PTPRG: variants seen among roughly 807,000 people sequenced by gnomAD.
PTPRG encodes the protein receptor-type tyrosine-protein phosphatase gamma.
Under a neutral mutation model 165.3 loss-of-function variants are expected in PTPRG, and 102 were observed. The observed-to-expected ratio is 0.62, with a 90% confidence interval of 0.53 to 0.73. The LOEUF (loss-of-function observed/expected upper bound fraction) is 0.73. PTPRG is among the 30% of genes least tolerant of loss of function. PTPRG has a pLI of 0.00. For missense variants in PTPRG, 1,866 were observed against 1,861.4 expected (o/e 1.00, Z -0.05); for synonymous variants, 675 against 669.5 (o/e 1.01, Z -0.13).
At chr3:61,779,479 C>T (rs1223200490) in intron 2 of PTPRG, among the ~76,000 whole-genome samples, 1 of 152,062 alleles carries the variant, frequency 6.6e-6, no homozygotes, top group Non-Finnish European at 1.5e-5. Context: ...GACTTGACCC[C>T]GGGGAGATAG....
At chr3:61,695,387 C>T (rs1468501576) in intron 1 of PTPRG, among the ~76,000 whole-genome samples, 1 of 152,148 alleles carries the variant, frequency 6.6e-6, no homozygotes, top group Admixed American at 6.5e-5. Context: ...CTTGAGGCTC[C>T]TGATGTCTTA....
chr3:62,276,879 A>G, intron 24 of PTPRG, 93 bp from the exon 25 acceptor site: 1 of 904,680 alleles, frequency 1.1e-6, no homozygotes, highest in East Asian at 2.5e-5. Context: ...AGCCAGGAGG[A>G]TATGTTATTC....
chr3:62,188,397 T>G (rs1043581621), intron 8 of PTPRG, among the ~76,000 whole-genome samples: 12 of 152,056 alleles, frequency 7.9e-5, no homozygotes, highest in African/African-American at 2.7e-4. Flanking sequence ...AACATTCCAT[T>G]CTAGTGCCAT....
At chr3:61,860,071 A>G (rs1241886094) in intron 2 of PTPRG, among the ~76,000 whole-genome samples, 2 of 152,194 alleles carry the variant, frequency 1.3e-5, no homozygotes, top group African/African-American at 2.4e-5. Flanking sequence ...CTGTTTGTAC[A>G]CCAATCCATA....
At chr3:61,851,917 T>A (rs1212474722) in intron 2 of PTPRG, among the ~76,000 whole-genome samples, 1 of 152,172 alleles carries the variant, frequency 6.6e-6, no homozygotes. Context: ...TTTTCCAGTG[T>A]CTTATGATTA....
chr3:61,689,126 A>C (rs1318626640), intron 1 of PTPRG, among the ~76,000 whole-genome samples: 1 of 152,206 alleles, frequency 6.6e-6, no homozygotes, highest in Non-Finnish European at 1.5e-5. Context: ...TAGGAATGAA[A>C]ATTGTATTTA....
intron 2 of PTPRG, among the ~76,000 whole-genome samples, chr3:61,781,633 T>TATC (rs576047505): frequency 6.6e-6 from 1 of 152,232 alleles, no homozygotes; most frequent in Non-Finnish European, 1.5e-5. Flanking sequence ...ATTTTGCTTT[T>TATC]ATCAGTATGA....
chr3:62,033,290 G>C lies in PTPRG; in HGVS notation c.519+29793G>C, dbSNP rs192241464. Among the ~76,000 whole-genome samples, 6 of 151,792 alleles carry C rather than the reference G, an allele frequency of 4.0e-5. No individual in the cohort carries two copies. The East Asian group carries it at 1.2e-3, about 29-fold the overall frequency. ...AGCTTCAGTTCAAATGTCACTTTCA[G>C]AGGAAGGCTTCTCTCTCTTCCTTGC... On this transcript the variant is annotated intron_variant, in intron 4 of 29. Coordinates refer to ENST00000474889, the MANE Select transcript of PTPRG (RefSeq NM_002841.4).
At chr3:62,185,214 G>A (rs562333092) in intron 8 of PTPRG, among the ~76,000 whole-genome samples, 1 of 152,322 alleles carries the variant, frequency 6.6e-6, no homozygotes, top group East Asian at 1.9e-4. Flanking sequence ...GTACCTTCAT[G>A]CCTGTGAGAA....
chr3:61,964,522 A>G (rs761056005), intron 2 of PTPRG, among the ~76,000 whole-genome samples: 9 of 152,058 alleles, frequency 5.9e-5, no homozygotes, highest in Non-Finnish European at 2.9e-5. Context: ...TGAGATCAAA[A>G]CTCTCCATCA....
intron 2 of PTPRG, among the ~76,000 whole-genome samples, chr3:61,851,892 A>G (rs960102500): frequency 2.4e-4 from 37 of 152,168 alleles, no homozygotes; most frequent in African/African-American, 7.2e-4. Context: ...GCCATTTTAA[A>G]TTGGAGTCAC....
chr3:61,989,679 A>T lies in PTPRG; in HGVS notation c.245A>T (p.His82Leu). 1 of 1,614,132 alleles carries T rather than the reference A, an allele frequency of 6.2e-7. No homozygotes were observed. Residue 82 changes from histidine to leucine, a missense_variant, in exon 3 of 30, where the codon CAC becomes CTC. His to Leu is a moderately conservative substitution (Grantham distance 99, BLOSUM62 -3). This residue lies in a region of PTPRG where 408 missense variants were observed against 376.2 expected (regional missense o/e 1.08). Transcript: ENST00000474889. Reference sequence around the variant, plus strand: ...TCTAGTGTCAGCTGTGGGGGCCGTCACCAGTCTCCTATTGACATTTTAGAC... The same window carrying T: ...TCTAGTGTCAGCTGTGGGGGCCGTCTCCAGTCTCCTATTGACATTTTAGAC... ...VTSSVSCGGR[H>L]QSPIDILDQY... is the part of the protein sequence containing the mutation.
chr3:62,186,787 G>A (rs1342638640), intron 8 of PTPRG, among the ~76,000 whole-genome samples: 3 of 151,848 alleles, frequency 2.0e-5, no homozygotes, highest in Non-Finnish European at 4.4e-5. Context: ...GGTTGCTCTC[G>A]AACTCCTGGC....
At chr3:61,839,548 C>CA (rs1296572632) in intron 2 of PTPRG, among the ~76,000 whole-genome samples, 2 of 152,148 alleles carry the variant, frequency 1.3e-5, no homozygotes, top group Non-Finnish European at 2.9e-5. Flanking sequence ...CTAACCTTGT[C>CA]AGAGTTGGGA....
chr3:62,119,869 C>T (rs750230151), intron 5 of PTPRG, among the ~76,000 whole-genome samples: 20 of 149,292 alleles, frequency 1.3e-4, no homozygotes, highest in Non-Finnish European at 8.9e-5. Flanking sequence ...CTCCTGACCT[C>T]GTGATCTGCC....
chr3:61,805,378 A>C (rs981355154), intron 2 of PTPRG, among the ~76,000 whole-genome samples: 12 of 152,174 alleles, frequency 7.9e-5, no homozygotes, highest in Non-Finnish European at 1.5e-4. Context: ...GATGTTTTCT[A>C]GGCTTAAACA....
intron 2 of PTPRG, among the ~76,000 whole-genome samples, chr3:61,801,113 TGCAAAACAGATGCACTG>T (rs2035227318): frequency 6.6e-6 from 1 of 152,138 alleles, no homozygotes; most frequent in Non-Finnish European, 1.5e-5. Flanking sequence ...CAGCTGCTTC[TGCAAAACAGATGCACTG>T]GCAGCCCAGG....
intron 8 of PTPRG, among the ~76,000 whole-genome samples, chr3:62,186,565 TCC>T (rs1705894478): frequency 7.3e-6 from 1 of 136,578 alleles, no homozygotes. Context: ...TTTTTTCTTT[TCC>T]TTTTTTTTTT....
intron 2 of PTPRG, among the ~76,000 whole-genome samples, chr3:61,843,942 G>A (rs973226692): frequency 1.3e-5 from 2 of 149,204 alleles, no homozygotes; most frequent in African/African-American, 4.9e-5. Context: ...TTGATAGCTT[G>A]GAAAATTCAC....
Sources: allele counts gnomAD v4.1 joint callset (sites outside exome capture counted in the v4.1 genomes callset), GRCh38; gene constraint gnomAD v4.1.1; regional missense constraint gnomAD v4.1.1; transcripts MANE v1.5; gene names NCBI Gene and HGNC (gene_info 2026-07-23, HGNC 2026-07-21).